The following ZIM3 variants were observed in gnomAD, a reference collection of about 807,000 sequenced individuals.
The protein encoded by ZIM3 is zinc finger protein 657.
In ZIM3, 11 loss-of-function variants were observed where a neutral mutation model predicts 12.9. The ratio of observed to expected loss-of-function variants is 0.85; its 90% confidence interval spans 0.54 to 1.41. The LOEUF is 1.41. ZIM3 is among the 40% of genes most tolerant of loss of function. The pLI, the probability that ZIM3 is intolerant of heterozygous loss-of-function variation, is 0.00. For synonymous variants in ZIM3, 205 were observed against 198.5 expected (o/e 1.03, Z -0.28); for missense variants, 604 against 557.2 (o/e 1.08, Z -0.85).
At position 57,142,546 on chromosome 19, in the gene ZIM3, G is replaced by T. The variant is rs193049882; in HGVS notation, c.15+83C>A. On this transcript the variant is annotated intron_variant, in intron 2 of 4. Transcript: ENST00000269834. ...AGGAAGGAGGAAAATATGCCAAAAG[G>T]TTAGCACAGTTAATTCTGAGCAAGA... 6.9e-6 allele frequency: 10 copies of T among 1,458,556 alleles called. No individual in the cohort carries two copies. In the African/African-American group the frequency reaches 9.8e-5, roughly 14 times the overall value. The allele number at this position is 1,458,556 out of a possible 1,614,324, so 90.4% of individuals were successfully genotyped here.
At chr19:57,141,061 A>G (rs2086911334) in intron 2 of ZIM3, among the ~76,000 whole-genome samples, 1 of 152,138 alleles carries the variant, frequency 6.6e-6, no homozygotes, top group South Asian at 2.1e-4. Flanking sequence ...GTTACATCTC[A>G]GGGCTTAGCA....
In ZIM3 at chr19:57,135,745, G is replaced by A. The variant is rs2086883606; in HGVS notation, c.592C>T (p.His198Tyr). 4 of 1,613,826 alleles carry A rather than the reference G, an allele frequency of 2.5e-6. No individual in the cohort carries two copies. In the Admixed American group the frequency reaches 6.7e-5, roughly 27 times the overall value. The change falls in exon 5 of 5, where the codon CAT becomes TAT. Residue 198 changes from histidine (H) to tyrosine (Y), a missense_variant. By Grantham distance (83) the His-to-Tyr change is moderately conservative. Coordinates refer to ENST00000269834, the MANE Select transcript of ZIM3 (RefSeq NM_052882.1). ...RHACQKPFECHSCGRAFGEKW... is the reference protein window; with the variant it reads ...RHACQKPFECYSCGRAFGEKW... Reference sequence around the variant, plus strand: ...TCCCCGAATGCTCTTCCACAGCTATGACATTCAAAGGGTTTTTGACAGGCA... The same window carrying A: ...TCCCCGAATGCTCTTCCACAGCTATAACATTCAAAGGGTTTTTGACAGGCA...
At chr19:57,138,669 T>G in intron 2 of ZIM3, 71 bp from the exon 3 acceptor site, 1 of 1,570,450 alleles carries the variant, frequency 6.4e-7, no homozygotes, top group Non-Finnish European at 8.7e-7. Flanking sequence ...AGAAACTTGT[T>G]TCTGCTGAAC....
chr19:57,141,670 G>C (rs1298919720), intron 2 of ZIM3, among the ~76,000 whole-genome samples: 1 of 151,924 alleles, frequency 6.6e-6, no homozygotes, highest in Non-Finnish European at 1.5e-5. Flanking sequence ...GGCCAACATG[G>C]TGAAGCCCCG....
chr19:57,137,159 G>A (rs1202216815), intron 3 of ZIM3, among the ~76,000 whole-genome samples, 188 bp from the exon 4 acceptor site: 1 of 152,112 alleles, frequency 6.6e-6, no homozygotes, highest in Non-Finnish European at 1.5e-5. Flanking sequence ...TGGTTTGAGG[G>A]AATGCACCTG....
At chr19:57,142,573 G>A (rs553238426) in intron 2 of ZIM3, 56 bp downstream of exon 2, 1 of 1,585,692 alleles carries the variant, frequency 6.3e-7, no homozygotes, top group African/African-American at 1.3e-5. Flanking sequence ...TGAGCAAGAG[G>A]AACGTGGGTC....
chr19:57,134,875 A>G lies in ZIM3; in HGVS notation c.*43T>C. On this transcript the variant is annotated 3_prime_UTR_variant, in exon 5 of 5. Transcript: ENST00000269834. ...CATGGAATTCTGGGGTGACAATTCC[A>G]GGCAACCATATCTTCCCATGTTTTT... The G allele has an allele frequency of 6.5e-7, 1 of 1,543,840 alleles. No individual in the cohort carries two copies. Among genetic ancestry groups the G allele is most frequent in the East Asian group, 2.3e-5 (1 of 44,314 alleles).
intron 1 of ZIM3, among the ~76,000 whole-genome samples, chr19:57,143,280 G>A (rs538094502): frequency 6.4e-4 from 97 of 151,164 alleles, no homozygotes; most frequent in African/African-American, 2.2e-3. Context: ...GCAGTGAGCC[G>A]AGATCGCGCC....
Position 57,135,536 on chromosome 19 carries a change from A to G in ZIM3, c.801T>C (p.Ile267=), listed in dbSNP as rs186632967. 14 of 1,614,022 alleles carry G rather than the reference A, an allele frequency of 8.7e-6. 1 individual carries two copies. The African/African-American group carries it at 9.3e-5, about 11-fold the overall frequency. Residue 267 remains isoleucine (I), a synonymous_variant, in exon 5 of 5, where the codon ATT becomes ATC. Transcript: ENST00000269834. ...GKAFSWKSSC[I]NHEKIHNAKK... is the part of the protein sequence containing the mutation. ...TGGCATTATGAATTTTCTCATGATT[A>G]ATGCAGGATGATTTCCAGGAAAAGG...
chr19:57,144,295 C>A (rs1053790297), intron 1 of ZIM3, among the ~76,000 whole-genome samples: 4 of 152,104 alleles, frequency 2.6e-5, no homozygotes, highest in African/African-American at 7.2e-5. Flanking sequence ...AGCAATCCTC[C>A]TCCCTCAGCC....
chr19:57,145,140 C>T lies in ZIM3; in HGVS notation c.-324G>A, dbSNP rs142339277. 67 of 152,306 alleles carry T rather than the reference C, an allele frequency of 4.4e-4. No homozygotes were observed. The highest frequency in any genetic ancestry group is 1.5e-3 in the African/African-American group (64 of 41,580). The allele number at this position is 152,306 out of a possible 1,614,324, so 9.4% of individuals were successfully genotyped here. On this transcript the variant is annotated 5_prime_UTR_variant, in exon 1 of 5. Transcript: ENST00000269834. ...CGACTTCTCCAAAACTGAATGAACTCTCATAAAAATTGTGATTGTGAAAGC... is the reference window on the plus strand; with the variant it reads ...CGACTTCTCCAAAACTGAATGAACTTTCATAAAAATTGTGATTGTGAAAGC...
intron 3 of ZIM3, 43 bp downstream of exon 3, chr19:57,138,429 C>T (rs753006679): frequency 7.4e-6 from 12 of 1,613,516 alleles, no homozygotes; most frequent in Admixed American, 1.7e-5. Context: ...GTGTGTTTCA[C>T]GCCTTAGGTT....
chr19:57,137,643 G>T (rs1006373330), intron 3 of ZIM3, among the ~76,000 whole-genome samples: 1 of 150,922 alleles, frequency 6.6e-6, no homozygotes, highest in African/African-American at 2.4e-5. Context: ...AACCTGGGAG[G>T]CGGAGGTTGC....
At chr19:57,143,511 A>C (rs2122672318) in intron 1 of ZIM3, among the ~76,000 whole-genome samples, 1 of 152,212 alleles carries the variant, frequency 6.6e-6, no homozygotes, top group Non-Finnish European at 1.5e-5. Context: ...GCCGCAGTGA[A>C]CATGGGATGC....
At chr19:57,136,850 A>G (rs768843535) in intron 4 of ZIM3, 23 bp downstream of exon 4, 1 of 1,608,100 alleles carries the variant, frequency 6.2e-7, no homozygotes, top group South Asian at 1.1e-5. Context: ...CCATTGACCC[A>G]CAGTGCTCTC....
chr19:57,137,054 G>T, intron 3 of ZIM3, 83 bp from the exon 4 acceptor site: 2 of 1,256,100 alleles, frequency 1.6e-6, no homozygotes, highest in Non-Finnish European at 2.3e-6. Flanking sequence ...ATAAGCGCTT[G>T]CGTATGCTTG....
At chr19:57,137,747 C>T (rs1438385521) in intron 3 of ZIM3, among the ~76,000 whole-genome samples, 1 of 146,904 alleles carries the variant, frequency 6.8e-6, no homozygotes, top group African/African-American at 2.7e-5. Flanking sequence ...TATGATTGCA[C>T]CACTGCACTC....
intron 1 of ZIM3, among the ~76,000 whole-genome samples, chr19:57,144,208 C>T (rs2086927349): frequency 6.6e-6 from 1 of 152,044 alleles, no homozygotes; most frequent in Non-Finnish European, 1.5e-5. Context: ...CATGCTACCA[C>T]ATCAGCTAAC....
intron 2 of ZIM3, among the ~76,000 whole-genome samples, chr19:57,141,164 G>T (rs1187935700): frequency 1.3e-5 from 2 of 152,154 alleles, no homozygotes; most frequent in Non-Finnish European, 2.9e-5. Flanking sequence ...GGAGGCTGAG[G>T]CGGGTGGATC....
Sources: allele counts gnomAD v4.1 joint callset (sites outside exome capture counted in the v4.1 genomes callset), GRCh38; gene constraint gnomAD v4.1.1; transcripts MANE v1.5; gene names NCBI Gene and HGNC (gene_info 2026-07-23, HGNC 2026-07-21).